CEP135: variants seen among roughly 807,000 people sequenced by gnomAD.
CEP135 encodes the protein centrosomal protein of 135 kDa.
A neutral mutation model predicts 157.3 loss-of-function variants in CEP135; 142 were observed. That is an observed-to-expected ratio of 0.90 (90% CI 0.79 to 1.04). CEP135 has a LOEUF of 1.04. CEP135 is among the 50% of genes least tolerant of loss of function. The probability of loss-of-function intolerance (pLI) is 0.00; values close to 1 mark genes in which losing one functional copy is unlikely to be tolerated. For missense variants in CEP135, 1,317 were observed against 1,309.2 expected (o/e 1.01, Z -0.09); for synonymous variants, 396 against 439.8 (o/e 0.90, Z 1.25).
At chr4:55,994,000 T>A (rs543347436) in intron 15 of CEP135, among the ~76,000 whole-genome samples, 1 of 152,204 alleles carries the variant, frequency 6.6e-6, no homozygotes, top group Non-Finnish European at 1.5e-5. Flanking sequence ...CAGAAAAATA[T>A]GACTTATCTT....
intron 24 of CEP135, among the ~76,000 whole-genome samples, chr4:56,024,126 G>A (rs1731073254): frequency 7.0e-6 from 1 of 142,734 alleles, no homozygotes; most frequent in African/African-American, 2.6e-5. Flanking sequence ...TAGTATATTA[G>A]TATATATATA....
intron 15 of CEP135, 66 bp from the exon 16 acceptor site, chr4:55,999,217 AAATATTTTTAAGAAATCTC>A: frequency 1.9e-6 from 2 of 1,076,138 alleles, no homozygotes; most frequent in Non-Finnish European, 2.7e-6. Flanking sequence ...TAAGACATCA[AAATATTTTTAAGAAATCTC>A]ATTTTTTAAA....
chr4:55,955,385 G>T (rs915873869), intron 4 of CEP135, among the ~76,000 whole-genome samples: 1 of 152,230 alleles, frequency 6.6e-6, no homozygotes, highest in African/African-American at 2.4e-5. Flanking sequence ...AGGCCAAAGT[G>T]TATCATCTTA....
At chr4:55,973,633 T>G (rs575710371) in intron 10 of CEP135, among the ~76,000 whole-genome samples, 1 of 152,162 alleles carries the variant, frequency 6.6e-6, no homozygotes, top group East Asian at 1.9e-4. Flanking sequence ...CTTTGTACTG[T>G]TTTTTCCCGT....
intron 5 of CEP135, among the ~76,000 whole-genome samples, chr4:55,959,318 T>C (rs1347831521): frequency 1.3e-5 from 2 of 152,236 alleles, no homozygotes; most frequent in Non-Finnish European, 2.9e-5. Context: ...AAACACATTT[T>C]AGTTTCTTAT....
At chr4:55,958,106 G>T (rs1261261409) in intron 5 of CEP135, among the ~76,000 whole-genome samples, 1 of 152,106 alleles carries the variant, frequency 6.6e-6, no homozygotes, top group African/African-American at 2.4e-5. Context: ...AGAGAATGTG[G>T]GGGGTTTTAT....
intron 14 of CEP135, among the ~76,000 whole-genome samples, chr4:55,990,757 A>G (rs1729762472): frequency 1.3e-5 from 2 of 152,158 alleles, no homozygotes; most frequent in Admixed American, 6.5e-5. Flanking sequence ...CTTGGCCTCA[A>G]GTGGTCCTCT....
intron 17 of CEP135, among the ~76,000 whole-genome samples, chr4:56,007,680 C>G (rs1730403246): frequency 1.3e-5 from 2 of 152,280 alleles, no homozygotes; most frequent in African/African-American, 4.8e-5. Flanking sequence ...CCACCTCAAT[C>G]TCACTTTTTC....
At chr4:55,978,416 GAA>G (rs1729295233) in intron 11 of CEP135, among the ~76,000 whole-genome samples, 1 of 152,164 alleles carries the variant, frequency 6.6e-6, no homozygotes, top group Non-Finnish European at 1.5e-5. Flanking sequence ...AAATTAGATT[GAA>G]AAATCTGAAA....
At chr4:55,964,200 T>C in intron 6 of CEP135, 74 bp from the exon 7 acceptor site, 1 of 1,377,266 alleles carries the variant, frequency 7.3e-7, no homozygotes. Flanking sequence ...TATATCCAAA[T>C]AAATGTTTGT....
intron 6 of CEP135, among the ~76,000 whole-genome samples, chr4:55,962,719 T>C (rs1330179093): frequency 6.8e-6 from 1 of 147,806 alleles, no homozygotes; most frequent in Non-Finnish European, 1.5e-5. Context: ...AGTTTTCTTT[T>C]TTTTAAGCCT....
intron 14 of CEP135, among the ~76,000 whole-genome samples, chr4:55,991,318 C>CTTTTTTTTTTTT (rs36216484): frequency 7.5e-6 from 1 of 133,602 alleles, no homozygotes; most frequent in Non-Finnish European, 1.6e-5. Context: ...CTGTTTTTTT[C>CTTTTTTTTTTTT]TTTTTTTTTT....
chr4:56,003,450 C>A (rs891547932), intron 17 of CEP135, among the ~76,000 whole-genome samples: 2 of 152,124 alleles, frequency 1.3e-5, no homozygotes, highest in African/African-American at 4.8e-5. Context: ...CCTACTGATC[C>A]GCCCGCCTCG....
In CEP135 at chr4:55,954,068, AG is replaced by A. The variant is rs1442038176; in HGVS notation, c.305-147del. The A allele has an allele frequency of 4.9e-6, 3 of 616,228 alleles. No individual in the cohort carries two copies. The African/African-American group carries it at 5.7e-5, about 12-fold the overall frequency. The allele number at this position is 616,228 out of a possible 1,614,324, so 38.2% of individuals were successfully genotyped here. ...TATTTGCAGTTTTGTTAATAATAGT[AG>A]AAGAAGGAATAAGTGTCAACTAAAG... On this transcript the variant is annotated intron_variant, in intron 3 of 25. Transcript: ENST00000257287.
intron 13 of CEP135, among the ~76,000 whole-genome samples, chr4:55,982,921 C>G (rs1729460917): frequency 6.6e-6 from 1 of 151,982 alleles, no homozygotes; most frequent in Non-Finnish European, 1.5e-5. Flanking sequence ...ATTGTAAGTA[C>G]TAAATCCTAA....
At chr4:55,979,247 T>A (rs1043681628) in intron 11 of CEP135, among the ~76,000 whole-genome samples, 2 of 152,152 alleles carry the variant, frequency 1.3e-5, no homozygotes, top group South Asian at 4.1e-4. Flanking sequence ...TCTTTTTTTT[T>A]AATAGGAAAA....
intron 8 of CEP135, among the ~76,000 whole-genome samples, chr4:55,967,193 GT>G (rs1728870895): frequency 6.6e-6 from 1 of 151,938 alleles, no homozygotes; most frequent in African/African-American, 2.4e-5. Context: ...AAGGTTCAAG[GT>G]GTTAATATTT....
intron 18 of CEP135, among the ~76,000 whole-genome samples, 199 bp downstream of exon 18, chr4:56,008,581 A>C (rs531207959): frequency 1.8e-4 from 28 of 152,250 alleles, no homozygotes; most frequent in Non-Finnish European, 3.5e-4. Flanking sequence ...TCCACATCTA[A>C]ACACTTATGT....
chr4:55,992,853 CA>C (rs1729839588), intron 15 of CEP135, among the ~76,000 whole-genome samples: 1 of 152,022 alleles, frequency 6.6e-6, no homozygotes, highest in Admixed American at 6.5e-5. Context: ...CTCAAGGAAA[CA>C]AAAGGCAAAC....
Sources: allele counts gnomAD v4.1 joint callset (sites outside exome capture counted in the v4.1 genomes callset), GRCh38; gene constraint gnomAD v4.1.1; transcripts MANE v1.5; gene names NCBI Gene and HGNC (gene_info 2026-07-23, HGNC 2026-07-21).